The following PCDH15 variants were observed in gnomAD, a reference collection of about 807,000 sequenced individuals.
PCDH15 encodes the protein protocadherin related 15.
In PCDH15, 129 loss-of-function variants were observed where a neutral mutation model predicts 178.5. That is an observed-to-expected ratio of 0.72 (90% confidence interval 0.63 to 0.84). The LOEUF is 0.84. PCDH15 is among the 40% of genes least tolerant of loss of function. PCDH15 has a pLI of 0.00. For synonymous variants in PCDH15, 800 were observed against 732.0 expected, an observed-to-expected ratio of 1.09 and a Z score of -1.50; for missense variants, 2,230 against 2,099.9, an observed-to-expected ratio of 1.06 and a Z score of -1.21.
At chr10:55,063,569 TC>T (rs1374528193) in intron 2 of PCDH15, among the ~76,000 whole-genome samples, 2 of 152,124 alleles carry the variant, frequency 1.3e-5, no homozygotes, top group Non-Finnish European at 2.9e-5. Flanking sequence ...AGAATTACTA[TC>T]TTTTTTCTGT....
At chr10:54,679,988 CAT>C (rs1377825311) in intron 1 of PCDH15, among the ~76,000 whole-genome samples, 2 of 152,160 alleles carry the variant, frequency 1.3e-5, no homozygotes, top group East Asian at 3.8e-4. Flanking sequence ...GCTATATTAA[CAT>C]ATGTGTATTA....
chr10:54,470,886 G>A (rs1414804919), intron 3 of PCDH15, among the ~76,000 whole-genome samples: 1 of 152,054 alleles, frequency 6.6e-6, no homozygotes, highest in Non-Finnish European at 1.5e-5. Flanking sequence ...AGTACCGGAT[G>A]CTTTCCATCA....
chr10:54,233,149 G>T (rs1009884441), intron 9 of PCDH15, among the ~76,000 whole-genome samples: 1 of 151,848 alleles, frequency 6.6e-6, no homozygotes. Context: ...TCGCCATATT[G>T]CCCAGGCTGG....
chr10:54,924,393 A>G (rs1476087556), intron 2 of PCDH15, among the ~76,000 whole-genome samples: 1 of 138,108 alleles, frequency 7.2e-6, no homozygotes, highest in South Asian at 2.3e-4. Context: ...TGCATACTAC[A>G]GAACTAAATA....
chr10:55,497,152 C>A (rs982065656), intron 2 of PCDH15, among the ~76,000 whole-genome samples: 1 of 151,762 alleles, frequency 6.6e-6, no homozygotes, highest in Admixed American at 6.6e-5. Context: ...TTCTTTGAGA[C>A]AGCATCTTGC....
intron 2 of PCDH15, among the ~76,000 whole-genome samples, chr10:55,474,333 T>C (rs1840021854): frequency 6.6e-6 from 1 of 152,146 alleles, no homozygotes; most frequent in Non-Finnish European, 1.5e-5. Flanking sequence ...ATCATTTTAA[T>C]AACAAAAAAA....
intron 1 of PCDH15, among the ~76,000 whole-genome samples, chr10:55,191,163 ACT>A (rs1019551335): frequency 3.3e-5 from 5 of 151,392 alleles, no homozygotes; most frequent in African/African-American, 1.2e-4. Flanking sequence ...GAGATAAGAG[ACT>A]CTGATTTTCA....
intron 8 of PCDH15, among the ~76,000 whole-genome samples, chr10:54,313,977 T>G: frequency 6.6e-6 from 1 of 152,138 alleles, no homozygotes; most frequent in East Asian, 1.9e-4. Context: ...TCAGACTGAC[T>G]CATTGAATTG....
intron 17 of PCDH15, among the ~76,000 whole-genome samples, chr10:54,070,755 A>T (rs1006951902): frequency 3.9e-5 from 6 of 151,906 alleles, no homozygotes; most frequent in African/African-American, 1.4e-4. Context: ...ATGCCCAGCT[A>T]ATTTTTATTT....
intron 8 of PCDH15, among the ~76,000 whole-genome samples, chr10:54,280,841 G>A (rs148771510): frequency 3.3e-4 from 50 of 151,772 alleles, no homozygotes; most frequent in African/African-American, 1.2e-3. Flanking sequence ...CACATATAAA[G>A]GTAGCCATTG....
At chr10:54,087,627 A>G (rs1176268119) in intron 16 of PCDH15, among the ~76,000 whole-genome samples, 1 of 152,180 alleles carries the variant, frequency 6.6e-6, no homozygotes, top group Non-Finnish European at 1.5e-5. Flanking sequence ...TGTGCAAACT[A>G]TTATGTAGAT....
At chr10:53,888,309 T>TATAC (rs59199185) in intron 26 of PCDH15, among the ~76,000 whole-genome samples, 1,187 of 107,646 alleles carry the variant, frequency 0.011, 32 homozygotes, top group Non-Finnish European at 0.018. Flanking sequence ...TATATATATA[T>TATAC]GTATATATGT....
chr10:54,870,514 G>A (rs1954016373), intron 3 of PCDH15, among the ~76,000 whole-genome samples: 1 of 152,084 alleles, frequency 6.6e-6, no homozygotes, highest in Non-Finnish European at 1.5e-5. Context: ...GACCGGGCGC[G>A]GTGGCTCACG....
At chr10:55,098,742 C>T (rs1178561131) in intron 2 of PCDH15, among the ~76,000 whole-genome samples, 1 of 152,050 alleles carries the variant, frequency 6.6e-6, no homozygotes, top group Admixed American at 6.6e-5. Context: ...TCAGACACCG[C>T]CTCCTCAAGT....
rs1182201355 is a variant in PCDH15, at chr10:53,827,463, C to G, written c.4297G>C (p.Ala1433Pro). 1 of 1,613,700 alleles carries G rather than the reference C, an allele frequency of 6.2e-7. No homozygotes were observed. Among genetic ancestry groups the G allele is most frequent in the East Asian group, 2.2e-5 (1 of 44,840 alleles). ...KPAVPAPAPV[A>P]APPPPPPPPP... ...GGCGGCGGCGGCGGCGGGGGCGCTG[C>G]CACTGGTGCAGGAGCCGGCACTGCT... Residue 1433 changes from alanine (A) to proline (P), a missense_variant, in exon 32 of 38, where the codon GCA becomes CCA. Transcript: ENST00000644397.
At chr10:55,141,008 C>T (rs961938882) in intron 2 of PCDH15, among the ~76,000 whole-genome samples, 1 of 151,932 alleles carries the variant, frequency 6.6e-6, no homozygotes, top group Non-Finnish European at 1.5e-5. Flanking sequence ...ATAATTGTCA[C>T]TTTTATTTTT....
chr10:54,405,652 TAACA>T (rs1952557007), intron 3 of PCDH15, among the ~76,000 whole-genome samples: 2 of 150,620 alleles, frequency 1.3e-5, no homozygotes. Context: ...TTTACCTACA[TAACA>T]AACATGGACA....
chr10:53,919,821 A>G (rs993152036), intron 25 of PCDH15, among the ~76,000 whole-genome samples: 1 of 152,184 alleles, frequency 6.6e-6, no homozygotes, highest in Non-Finnish European at 1.5e-5. Flanking sequence ...ATATACTTCT[A>G]TGCCTAGGAC....
Position 55,375,749 on chromosome 10 carries a change from C to A in PCDH15, c.-155-209098G>T, listed in dbSNP as rs936771222. On this transcript the variant is annotated intron_variant, in intron 2 of 5. Coordinates refer to the PCDH15 transcript ENST00000613346. ...TTGTGATGTTCACTTGCTTAATAAG[C>A]CAGATGATTTTTTTTTTACTTCCTA... is the stretch of plus-strand genomic sequence containing the variant. Among the ~76,000 whole-genome samples, 4 of 151,946 alleles carry A rather than the reference C, an allele frequency of 2.6e-5. 1 individual carries two copies. Among genetic ancestry groups the A allele is most frequent in the Middle Eastern group, 3.2e-3 (1 of 316 alleles).
Sources: allele counts gnomAD v4.1 joint callset (sites outside exome capture counted in the v4.1 genomes callset), GRCh38; gene constraint gnomAD v4.1.1; transcripts MANE v1.5; gene names NCBI Gene and HGNC (gene_info 2026-07-23, HGNC 2026-07-21).